Variants in KNL1 observed in about 807,000 individuals in gnomAD.
KNL1 encodes the protein outer kinetochore KNL1 complex subunit KNL1.
Under a neutral mutation model 201.3 loss-of-function variants are expected in KNL1, and 66 were observed. That is an observed-to-expected ratio of 0.33 (90% CI 0.27 to 0.40). KNL1 has a LOEUF of 0.40. Ranked by LOEUF, KNL1 falls within the 10% of genes least tolerant of loss-of-function variation. KNL1 has a pLI of 1.00. For synonymous variants in KNL1, 895 were observed against 899.2 expected (o/e 1.00, Z 0.08); for missense variants, 2,815 against 2,690.5 (o/e 1.05, Z -1.02).
intron 5 of KNL1, among the ~76,000 whole-genome samples, chr15:40,609,903 A>G (rs1892098917): frequency 6.6e-6 from 1 of 152,148 alleles, no homozygotes; most frequent in African/African-American, 2.4e-5. Flanking sequence ...AATAAAAAAT[A>G]TTAGTCAGGC....
chr15:40,606,913 C>G (rs929696108), intron 4 of KNL1, among the ~76,000 whole-genome samples: 1 of 152,194 alleles, frequency 6.6e-6, no homozygotes, highest in Admixed American at 6.5e-5. Flanking sequence ...GAACATGCCA[C>G]CATGCCCGGC....
intron 13 of KNL1, among the ~76,000 whole-genome samples, chr15:40,632,360 A>G (rs1026239252): frequency 6.6e-6 from 1 of 152,100 alleles, no homozygotes; most frequent in Non-Finnish European, 1.5e-5. Context: ...TGTAATCCCA[A>G]CACTTTGGGA....
chr15:40,634,426 G>A (rs140336187), intron 13 of KNL1, among the ~76,000 whole-genome samples: 3 of 152,324 alleles, frequency 2.0e-5, no homozygotes, highest in East Asian at 1.9e-4. Flanking sequence ...TTTAAAATTC[G>A]TTTAATTGTA....
chr15:40,635,090 C>T (rs1893016828), intron 13 of KNL1, among the ~76,000 whole-genome samples: 1 of 150,466 alleles, frequency 6.6e-6, no homozygotes, highest in African/African-American at 2.4e-5. Flanking sequence ...GCTTTGTCAT[C>T]CAGGCTGGAG....
Position 40,624,072 on chromosome 15 carries a change from G to C in KNL1, c.3808G>C (p.Ala1270Pro). 2 of 1,614,044 alleles carry C rather than the reference G, an allele frequency of 1.2e-6. No individual in the cohort carries two copies. Among genetic ancestry groups the C allele is most frequent in the South Asian group, 2.2e-5 (2 of 91,080 alleles). ...VVDQACTLEK[A>P]QVESCQLNNR... ...AGACCAGGCCTGTACATTGGAAAAA[G>C]CGCAAGTTGAAAGCTGTCAGTTAAA... Residue 1270 changes from alanine to proline, a missense_variant, in exon 10 of 26, where the codon GCG (alanine) becomes CCG (proline). Ala to Pro is a conservative substitution (Grantham distance 27). Coordinates refer to ENST00000399668, the MANE Select transcript of KNL1 (RefSeq NM_144508.5).
chr15:40,642,093 T>A (rs1454539992), intron 14 of KNL1, among the ~76,000 whole-genome samples: 1 of 152,286 alleles, frequency 6.6e-6, no homozygotes, highest in Non-Finnish European at 1.5e-5. Context: ...ATATTAAAAA[T>A]TTTTCAAAAG....
At chr15:40,598,891 C>T (rs551446407) in intron 1 of KNL1, among the ~76,000 whole-genome samples, 1 of 152,078 alleles carries the variant, frequency 6.6e-6, no homozygotes, top group African/African-American at 2.4e-5. Flanking sequence ...GCACCACCTA[C>T]CTTCCAGGCT....
At chr15:40,638,675 T>C (rs1453736789) in intron 13 of KNL1, among the ~76,000 whole-genome samples, 1 of 151,632 alleles carries the variant, frequency 6.6e-6, no homozygotes, top group Admixed American at 6.6e-5. Flanking sequence ...TATTTTTTAG[T>C]AGAGATGGGG....
At chr15:40,617,147 C>G (rs1378830959) in intron 8 of KNL1, among the ~76,000 whole-genome samples, 2 of 152,320 alleles carry the variant, frequency 1.3e-5, no homozygotes, top group East Asian at 3.9e-4. Flanking sequence ...TGGGGTTTCA[C>G]CATGTTGGCC....
chr15:40,635,094 G>A (rs925429510), intron 13 of KNL1, among the ~76,000 whole-genome samples: 45 of 151,384 alleles, frequency 3.0e-4, no homozygotes, highest in Middle Eastern at 3.4e-3. Flanking sequence ...TGTCATCCAG[G>A]CTGGAGTGCA....
chr15:40,609,189 C>T (rs1447887798), intron 5 of KNL1, among the ~76,000 whole-genome samples: 2 of 147,170 alleles, frequency 1.4e-5, no homozygotes, highest in Non-Finnish European at 3.0e-5. Flanking sequence ...CAGAGGATTG[C>T]TTGAGGCCAA....
At chr15:40,594,643 C>T (rs76019323) in intron 1 of KNL1, among the ~76,000 whole-genome samples, 4,987 of 152,334 alleles carry the variant, frequency 0.033, 107 homozygotes, top group Non-Finnish European at 0.052. Context: ...CCTCCGGCCA[C>T]CCGGCTCGGG....
At chr15:40,605,199 A>G (rs1214448430) in intron 3 of KNL1, 50 bp downstream of exon 3, 2 of 1,025,520 alleles carry the variant, frequency 2.0e-6, no homozygotes, top group Middle Eastern at 2.0e-4. Context: ...ATTTAATGAT[A>G]ACCATATATC....
rs1358921055 is a variant in KNL1 at position 40,621,802 on chromosome 15, C to T, written c.1538C>T (p.Thr513Ile). The T allele has an allele frequency of 1.2e-6, 2 of 1,613,620 alleles. No individual in the cohort carries two copies. Among genetic ancestry groups the T allele is most frequent in the Non-Finnish European group, 1.7e-6 (2 of 1,179,672 alleles). Residue 513 changes from threonine to isoleucine, a missense_variant, in exon 10 of 26, where the codon ACA becomes ATA. Around this residue, in one of 3 missense-constraint regions of KNL1, gnomAD observed 2,464 missense variants for 2,291.7 expected, o/e 1.08. Transcript: ENST00000399668. ...QSNVQIAAAPTPEKEMMLQNL... is the reference protein window; with the variant it reads ...QSNVQIAAAPIPEKEMMLQNL... ...AATGTGCAAATAGCAGCTGCACCAA[C>T]ACCCGAAAAAGAAATGATGCTCCAA...
At position 40,620,711 on chromosome 15, in the gene KNL1, C is replaced by G; in HGVS notation, c.447C>G (p.Asn149Lys). The change falls in exon 10 of 26, where the codon AAC becomes AAG. Residue 149 changes from asparagine (N) to lysine (K), a missense_variant. Physicochemically the swap from Asn to Lys is moderately conservative, Grantham distance 94. Coordinates refer to ENST00000399668, the MANE Select transcript of KNL1 (RefSeq NM_144508.5). Reference protein sequence around the residue: ...NDQTVIFSDENQMDLTSSHTV... With the variant: ...NDQTVIFSDEKQMDLTSSHTV... ...AGACAGTCATTTTTTCAGATGAAAA[C>G]CAGATGGACCTGACATCAAGTCACA... 1 of 1,605,164 alleles carries G rather than the reference C, an allele frequency of 6.2e-7. No individual in the cohort carries two copies. Among genetic ancestry groups the G allele is most frequent in the East Asian group, 2.2e-5 (1 of 44,724 alleles).
rs752649457 is a variant in KNL1 at position 40,622,710 on chromosome 15, A to G, written c.2446A>G (p.Ser816Gly). 3.1e-6 allele frequency: 5 copies of G among 1,590,980 alleles called. No individual in the cohort carries two copies. In the South Asian group the frequency reaches 4.6e-5, roughly 15 times the overall value. Residue 816 changes from serine to glycine, a missense_variant, in exon 10 of 26, where the codon AGT becomes GGT. Coordinates refer to ENST00000399668, the MANE Select transcript of KNL1 (RefSeq NM_144508.5). The part of the protein sequence containing the change: ...EKCGKSPIEK[S>G]GVLKSNCIMD... Reference sequence around the variant, plus strand: ...ATGTGGTAAAAGTCCCATAGAAAAAAGTGGAGTGCTTAAATCTAACTGTAT... The same window carrying G: ...ATGTGGTAAAAGTCCCATAGAAAAAGGTGGAGTGCTTAAATCTAACTGTAT...
At chr15:40,644,746 A>T (rs1056580583) in intron 14 of KNL1, among the ~76,000 whole-genome samples, 6 of 152,268 alleles carry the variant, frequency 3.9e-5, no homozygotes, top group Admixed American at 2.0e-4. Context: ...CACGTCCTGC[A>T]CAGCCCTAGA....
At position 40,642,230 on chromosome 15, in the gene KNL1, G is replaced by T. The variant is rs559340466; in HGVS notation, c.5798+1203G>T. Reference sequence around the variant, plus strand: ...CTGGCTAACACAGTGAAACCCCGTCGCTACTAAAAATACGAAAAATTAGCC... The same window carrying T: ...CTGGCTAACACAGTGAAACCCCGTCTCTACTAAAAATACGAAAAATTAGCC... On this transcript the variant is annotated intron_variant, in intron 14 of 25. Transcript: ENST00000399668. 2.0e-4 allele frequency among the ~76,000 whole-genome samples: 30 copies of T among 151,822 alleles called. 1 individual carries two copies. The highest frequency in any genetic ancestry group is 7.0e-4 in the African/African-American group (29 of 41,352).
intron 13 of KNL1, among the ~76,000 whole-genome samples, chr15:40,638,376 G>A (rs762114329): frequency 1.3e-5 from 2 of 152,080 alleles, no homozygotes; most frequent in African/African-American, 2.4e-5. Flanking sequence ...TTTAAAAACT[G>A]TTTTAAAGAC....
Sources: allele counts gnomAD v4.1 joint callset (sites outside exome capture counted in the v4.1 genomes callset), GRCh38; gene constraint gnomAD v4.1.1; regional missense constraint gnomAD v4.1.1; transcripts MANE v1.5; gene names NCBI Gene and HGNC (gene_info 2026-07-23, HGNC 2026-07-21).